The following DGKI variants were observed in gnomAD, a reference collection of about 807,000 sequenced individuals.
DGKI encodes the protein DAG kinase iota.
In DGKI, 55 loss-of-function variants were observed where a neutral mutation model predicts 147.5. That is an observed-to-expected ratio of 0.37 (90% CI 0.30 to 0.47). The LOEUF is 0.47. Ranked by LOEUF, DGKI falls within the 20% of genes least tolerant of loss-of-function variation. The pLI, the probability that DGKI is intolerant of heterozygous loss-of-function variation, is 1.00. For synonymous variants in DGKI, 469 were observed against 477.1 expected, an observed-to-expected ratio of 0.98 and a Z score of 0.22; for missense variants, 1,007 against 1,323.8, an observed-to-expected ratio of 0.76 and a Z score of 3.71.
At chr7:137,730,430 C>T (rs550690355) in intron 1 of DGKI, among the ~76,000 whole-genome samples, 100 of 152,128 alleles carry the variant, frequency 6.6e-4, no homozygotes, top group African/African-American at 1.9e-3. Context: ...AGTCAAAGTC[C>T]TCTCTTGTTC....
chr7:137,481,591 G>C (rs1031465499), intron 23 of DGKI, among the ~76,000 whole-genome samples: 1 of 152,050 alleles, frequency 6.6e-6, no homozygotes, highest in African/African-American at 2.4e-5. Flanking sequence ...ACACATTCTT[G>C]TATAACCCAT....
At chr7:137,654,852 G>GA (rs376136379) in intron 4 of DGKI, 64 bp from the exon 5 acceptor site, 90,647 of 630,974 alleles carry the variant, frequency 0.14, 15 homozygotes, top group South Asian at 0.18. Flanking sequence ...TGAATTACCT[G>GA]AAAAAAAAAA....
At position 137,385,201 on chromosome 7, in the gene DGKI, C is replaced by T. The variant is rs1222248311; in HGVS notation, c.*6019G>A. The T allele has an allele frequency of 1.3e-5, 2 of 151,906 alleles. No individual in the cohort carries two copies. The highest frequency in any genetic ancestry group is 4.8e-5 in the African/African-American group (2 of 41,354). The allele number at this position is 151,906 out of a possible 1,614,324, so 9.4% of individuals were successfully genotyped here. ...CAGAAGTATTTTTAATTAAATTACA[C>T]CTTTTAGTATGTTTTCTTTTGACTA... On this transcript the variant is annotated 3_prime_UTR_variant, in exon 33 of 33. Transcript: ENST00000614521.
chr7:137,639,557 C>T (rs1466097336), intron 6 of DGKI, among the ~76,000 whole-genome samples: 1 of 152,100 alleles, frequency 6.6e-6, no homozygotes, highest in East Asian at 1.9e-4. Context: ...TCATTGCCAC[C>T]CTGGCCTGAG....
chr7:137,672,347 G>A (rs1371714131), intron 3 of DGKI, among the ~76,000 whole-genome samples: 1 of 152,182 alleles, frequency 6.6e-6, no homozygotes, highest in African/African-American at 2.4e-5. Context: ...TTTATCTTTA[G>A]GTAGAAGTGA....
chr7:137,521,890 C>T lies in DGKI; in HGVS notation c.2224G>A (p.Asp742Asn), dbSNP rs1180671888. The change falls in exon 21 of 33, where the codon GAC (aspartate) becomes AAC (asparagine). Residue 742 changes from aspartate (D) to asparagine (N), a missense_variant. By Grantham distance (23) the Asp-to-Asn change is conservative. Coordinates refer to ENST00000614521, the MANE Select transcript of DGKI (RefSeq NM_001321708.2). ...CAAGCTTCTCGGAGTTTCTCCTTGTCATAGTGGAATCCTTCATAGTCTTGT... is the reference window on the plus strand; with the variant it reads ...CAAGCTTCTCGGAGTTTCTCCTTGTTATAGTGGAATCCTTCATAGTCTTGT... ...SLQDYEGFHY[D>N]KEKLREASIP... 6.2e-7 allele frequency: 1 copy of T among 1,611,784 alleles called. No homozygotes were observed. Among genetic ancestry groups the T allele is most frequent in the Non-Finnish European group, 8.5e-7 (1 of 1,178,606 alleles).
At chr7:137,767,000 T>TG (rs1454883625) in intron 1 of DGKI, among the ~76,000 whole-genome samples, 2 of 152,220 alleles carry the variant, frequency 1.3e-5, no homozygotes, top group East Asian at 1.9e-4. Flanking sequence ...CACTCTGCAG[T>TG]GGGGGGCCAC....
intron 30 of DGKI, among the ~76,000 whole-genome samples, chr7:137,402,379 TC>T (rs1322523417): frequency 2.6e-5 from 4 of 152,148 alleles, no homozygotes; most frequent in Admixed American, 2.6e-4. Context: ...ACATCAGTAT[TC>T]AGGAGACACC....
At chr7:137,554,179 C>T (rs1019279364) in intron 19 of DGKI, among the ~76,000 whole-genome samples, 2 of 152,200 alleles carry the variant, frequency 1.3e-5, no homozygotes, top group African/African-American at 4.8e-5. Flanking sequence ...AGGGTAGAGA[C>T]ATTTCCATTA....
chr7:137,473,818 G>GA (rs532680248), intron 23 of DGKI, among the ~76,000 whole-genome samples: 2 of 151,980 alleles, frequency 1.3e-5, no homozygotes, highest in Admixed American at 1.3e-4. Flanking sequence ...TAAACAAAGG[G>GA]AAAAAATGTA....
Position 137,722,315 on chromosome 7 carries a change from G to A in DGKI, c.402-32313C>T, listed in dbSNP as rs574617321. The stretch of plus-strand genomic sequence containing the variant: ...GGCAGTACCCGGGTGGTTAAACTTC[G>A]CAAAATGCCTAGATATTATCCTACT... On this transcript the variant is annotated intron_variant, in intron 1 of 32. Coordinates refer to ENST00000614521, the MANE Select transcript of DGKI (RefSeq NM_001321708.2). The A allele has an allele frequency of 2.4e-5, 38 of 1,612,554 alleles. 3 individuals are homozygous for A. The highest frequency in any genetic ancestry group is 6.7e-5 in the Admixed American group (4 of 60,006).
At chr7:137,771,461 G>T (rs1216266730) in intron 1 of DGKI, 1 of 152,170 alleles carries the variant, frequency 6.6e-6, no homozygotes, top group Non-Finnish European at 1.5e-5. Context: ...TGCATCATAG[G>T]TATTCCAGAT....
chr7:137,800,438 C>G (rs1483770715), intron 1 of DGKI, among the ~76,000 whole-genome samples: 1 of 151,958 alleles, frequency 6.6e-6, no homozygotes, highest in African/African-American at 2.4e-5. Flanking sequence ...TGTGTGCTAC[C>G]TCCCCCCAAC....
intron 7 of DGKI, 49 bp from the exon 8 acceptor site, chr7:137,619,989 T>G (rs1563115691): frequency 7.6e-7 from 1 of 1,316,448 alleles, no homozygotes; most frequent in Admixed American, 1.7e-5. Context: ...AGAGTAATGC[T>G]GCAGCAAGAA....
At chr7:137,709,049 C>A (rs1042988094) in intron 1 of DGKI, among the ~76,000 whole-genome samples, 2 of 152,140 alleles carry the variant, frequency 1.3e-5, no homozygotes, top group African/African-American at 4.8e-5. Flanking sequence ...TGACTCTGGG[C>A]AGGTCACTTC....
Position 137,493,909 on chromosome 7 carries a change from C to G in DGKI, c.2249-6220G>C, listed in dbSNP as rs1815865407. On this transcript the variant is annotated intron_variant, in intron 21 of 32. Transcript: ENST00000614521. ...TCGAGATTCAGGAGAAAGTTAACAC[C>G]CAATCCAAAAATTCTAAAGAATACA... The G allele has an allele frequency of 6.6e-6, 4 of 608,208 alleles. No homozygotes were observed. The Admixed American group carries it at 8.5e-5, about 13-fold the overall frequency. 37.7% of individuals were successfully genotyped at this position (608,208 alleles called of 1,614,324 possible).
intron 19 of DGKI, among the ~76,000 whole-genome samples, chr7:137,570,640 G>A (rs773931959): frequency 2.7e-5 from 4 of 149,926 alleles, no homozygotes; most frequent in Admixed American, 1.3e-4. Flanking sequence ...CACCCAGGCT[G>A]GAGTGCAGTG....
chr7:137,465,537 T>C (rs1330770959), intron 26 of DGKI, among the ~76,000 whole-genome samples: 2 of 152,192 alleles, frequency 1.3e-5, no homozygotes, highest in Non-Finnish European at 2.9e-5. Flanking sequence ...TCTACATGTC[T>C]CCAGCAGCCT....
rs2116452953 is a variant in DGKI, at chr7:137,689,881, G to A, written c.510+13C>T. ...CACTGAAGTGATGTTTAAATGAAAAGGCCAACACCTACACTCCAGTCCAAA... is the reference window on the plus strand; with the variant it reads ...CACTGAAGTGATGTTTAAATGAAAAAGCCAACACCTACACTCCAGTCCAAA... On this transcript the variant is annotated intron_variant, in intron 2 of 32. Transcript: ENST00000614521. The A allele has an allele frequency of 6.6e-7, 1 of 1,516,514 alleles. No individual in the cohort carries two copies. The highest frequency in any genetic ancestry group is 8.9e-7 in the Non-Finnish European group (1 of 1,128,176). 93.9% of individuals were successfully genotyped at this position (1,516,514 alleles called of 1,614,324 possible).
Sources: allele counts gnomAD v4.1 joint callset (sites outside exome capture counted in the v4.1 genomes callset), GRCh38; gene constraint gnomAD v4.1.1; transcripts MANE v1.5; gene names NCBI Gene and HGNC (gene_info 2026-07-23, HGNC 2026-07-21).